Variants in NFAT5 observed in about 807,000 individuals in gnomAD.
The protein encoded by NFAT5 is nuclear factor of activated T cells 5.
NFAT5 carries 31 observed loss-of-function variants against 166.5 expected under a neutral mutation model. The ratio of observed to expected loss-of-function variants is 0.19; its 90% confidence interval spans 0.14 to 0.25. The LOEUF is 0.25. NFAT5 is among the 10% of genes least tolerant of loss of function. The pLI is 1.00. For synonymous variants in NFAT5, 612 were observed against 639.7 expected, an observed-to-expected ratio of 0.96 and a Z score of 0.65; for missense variants, 1,449 against 1,821.8, an observed-to-expected ratio of 0.80 and a Z score of 3.72.
intron 2 of NFAT5, among the ~76,000 whole-genome samples, chr16:69,591,617 A>G (rs1294675467): frequency 6.6e-6 from 1 of 152,236 alleles, no homozygotes; most frequent in East Asian, 1.9e-4. Context: ...GTGTTTGAAT[A>G]TGAATCTCTA....
intron 2 of NFAT5, among the ~76,000 whole-genome samples, chr16:69,577,706 C>A (rs1266733929): frequency 6.6e-6 from 1 of 152,114 alleles, no homozygotes; most frequent in East Asian, 1.9e-4. Context: ...CTGTCTTGAC[C>A]ATGTGATTAC....
intron 10 of NFAT5, among the ~76,000 whole-genome samples, chr16:69,684,255 CAAAA>C (rs558716074): frequency 1.7e-4 from 14 of 84,426 alleles, no homozygotes; most frequent in East Asian, 6.9e-4. Context: ...GAGACTGCCT[CAAAA>C]AAAAAAAAAA....
chr16:69,650,618 A>G (rs1019729659), intron 4 of NFAT5, among the ~76,000 whole-genome samples: 2 of 152,154 alleles, frequency 1.3e-5, no homozygotes, highest in African/African-American at 4.8e-5. Flanking sequence ...GAGTATAAAA[A>G]CATGTCTTGC....
chr16:69,687,773 TATA>T (rs201582155), intron 11 of NFAT5, among the ~76,000 whole-genome samples: 2 of 139,904 alleles, frequency 1.4e-5, no homozygotes, highest in Admixed American at 6.7e-5. Context: ...TGAATTATAA[TATA>T]ATCTTATCTG....
chr16:69,567,609 A>T (rs1256304845), intron 1 of NFAT5, among the ~76,000 whole-genome samples: 1 of 152,136 alleles, frequency 6.6e-6, no homozygotes, highest in Non-Finnish European at 1.5e-5. Flanking sequence ...GAGATGGTTT[A>T]CTCTGAAAGG....
chr16:69,692,547 A>G lies in NFAT5; in HGVS notation c.2722A>G (p.Met908Val), dbSNP rs1031751293. The change falls in exon 13 of 15, where the codon ATG (methionine) becomes GTG (valine). Residue 908 changes from methionine to valine, a missense_variant. By Grantham distance (21) the Met-to-Val change is conservative (BLOSUM62 1). Around this residue, in one of 7 missense-constraint regions of NFAT5, gnomAD observed 891 missense variants for 993.0 expected, o/e 0.90. Coordinates refer to ENST00000349945, the MANE Select transcript of NFAT5 (RefSeq NM_138713.4). ...GCAGCAGCAGCAGCAACAGCAAGTG[A>G]TGGAATCTTCAGCCGCAATGGTGAT... is the stretch of plus-strand genomic sequence containing the variant. ...QQQQQQQQQV[M>V]ESSAAMVMEM... is the part of the protein sequence containing the mutation. 16 of 1,614,036 alleles carry G rather than the reference A, an allele frequency of 9.9e-6. No homozygotes were observed. In the Admixed American group the frequency reaches 1.3e-4, roughly 13 times the overall value.
intron 7 of NFAT5, among the ~76,000 whole-genome samples, chr16:69,662,862 G>T (rs986626185): frequency 6.6e-6 from 1 of 152,110 alleles, no homozygotes; most frequent in South Asian, 2.1e-4. Context: ...GACTTTGAGG[G>T]CTGGATATGG....
At chr16:69,601,155 A>G (rs1451259100) in intron 2 of NFAT5, among the ~76,000 whole-genome samples, 1 of 152,168 alleles carries the variant, frequency 6.6e-6, no homozygotes, top group African/African-American at 2.4e-5. Flanking sequence ...GGAAAACGAC[A>G]AAACAAGAAC....
chr16:69,652,899 A>G (rs2035732025), intron 4 of NFAT5, among the ~76,000 whole-genome samples: 1 of 152,168 alleles, frequency 6.6e-6, no homozygotes, highest in African/African-American at 2.4e-5. Context: ...TACAATGTTA[A>G]AGGTTATAGT....
intron 2 of NFAT5, among the ~76,000 whole-genome samples, chr16:69,602,568 T>TTTTC (rs1288582117): frequency 6.6e-6 from 1 of 150,740 alleles, no homozygotes; most frequent in East Asian, 1.9e-4. Context: ...TGCCCAGACT[T>TTTTC]TTTCTTTCTT....
At chr16:69,644,726 C>A in intron 3 of NFAT5, 1 of 382,114 alleles carries the variant, frequency 2.6e-6, no homozygotes, top group Non-Finnish European at 5.2e-6. Context: ...ATATTAAATT[C>A]ATAATACCAT....
At chr16:69,568,719 T>C (rs2016260923) in intron 2 of NFAT5, among the ~76,000 whole-genome samples, 171 bp downstream of exon 2, 1 of 152,206 alleles carries the variant, frequency 6.6e-6, no homozygotes, top group South Asian at 2.1e-4. Context: ...GTTTTGTTGC[T>C]GCGTTTGATG....
chr16:69,654,417 AC>A (rs1411448580), intron 5 of NFAT5, among the ~76,000 whole-genome samples: 3 of 152,222 alleles, frequency 2.0e-5, no homozygotes, highest in African/African-American at 7.2e-5. Context: ...AGTCACGTGT[AC>A]AATATCAAGT....
In NFAT5 at chr16:69,699,501, C is replaced by T. The variant is rs2037858020; in HGVS notation, c.*3150C>T. The T allele has an allele frequency of 6.6e-6, 1 of 152,454 alleles. No individual in the cohort carries two copies. The highest frequency in any genetic ancestry group is 2.4e-5 in the African/African-American group (1 of 41,400). 9.4% of individuals were successfully genotyped at this position (152,454 alleles called of 1,614,324 possible). A position where few individuals can be genotyped will look rare whatever the true frequency, so the allele number is the denominator to read the frequency against. ...TGTTTTTTTTACATTGTTAAATGTT[C>T]CTTACCCCTAAAGGTCAATGTTAAG... On this transcript the variant is annotated 3_prime_UTR_variant, in exon 15 of 15. Coordinates refer to ENST00000349945, the MANE Select transcript of NFAT5 (RefSeq NM_138713.4).
chr16:69,610,862 CT>C (rs1313162176), intron 2 of NFAT5, among the ~76,000 whole-genome samples: 8 of 152,076 alleles, frequency 5.3e-5, no homozygotes, highest in Non-Finnish European at 1.2e-4. Context: ...CTCCTACTAC[CT>C]TTTTTCCCTC....
chr16:69,580,461 G>T (rs867530731), intron 2 of NFAT5, among the ~76,000 whole-genome samples: 1 of 151,816 alleles, frequency 6.6e-6, no homozygotes, highest in South Asian at 2.1e-4. Flanking sequence ...AACCCAGGAG[G>T]TGGAGGTTGT....
In NFAT5 at chr16:69,566,404, G is replaced by A; in HGVS notation, c.73+30G>A. 3 of 1,493,938 alleles carry A rather than the reference G, an allele frequency of 2.0e-6. No homozygotes were observed. Among genetic ancestry groups the A allele is most frequent in the Non-Finnish European group, 2.8e-6 (3 of 1,090,666 alleles). The allele number at this position is 1,493,938 out of a possible 1,614,324, so 92.5% of individuals were successfully genotyped here. On this transcript the variant is annotated intron_variant, in intron 1 of 14. Transcript: ENST00000349945. The surrounding 1 kb of genome is among the most constrained non-coding windows in gnomAD (Gnocchi z 5.7). ...GTCAGGCTGTGGGGGGTGGGGCGTGGGGGCGGGGAGACAGGGAGACAGGGA... is the reference window on the plus strand; with the variant it reads ...GTCAGGCTGTGGGGGGTGGGGCGTGAGGGCGGGGAGACAGGGAGACAGGGA...
At chr16:69,663,536 T>C (rs1209713752) in intron 7 of NFAT5, among the ~76,000 whole-genome samples, 1 of 125,778 alleles carries the variant, frequency 8.0e-6, no homozygotes, top group Non-Finnish European at 1.6e-5. Context: ...GGAGTTTGAA[T>C]CCAGCCTGGG....
At chr16:69,661,990 A>G (rs896835611) in intron 7 of NFAT5, among the ~76,000 whole-genome samples, 1 of 152,200 alleles carries the variant, frequency 6.6e-6, no homozygotes, top group African/African-American at 2.4e-5. Context: ...TGGGAGGCCA[A>G]GGCAGGGGGA....
Sources: gnomAD v4.1 joint callset for allele counts (sites outside exome capture counted in the v4.1 genomes callset) on GRCh38, gnomAD v4.1.1 for gene constraint, gnomAD v4.1.1 regional missense constraint, Gnocchi (gnomAD v3.1) non-coding constraint, MANE v1.5 for transcripts, NCBI Gene and HGNC (gene_info 2026-07-23, HGNC 2026-07-21) for gene names.